EEPD1: variants seen among roughly 807,000 people sequenced by gnomAD.
The protein encoded by EEPD1 is endonuclease/exonuclease/phosphatase family domain-containing protein 1.
Under a neutral mutation model 46.3 loss-of-function variants are expected in EEPD1, and 17 were observed. The observed-to-expected ratio is 0.37, with a 90% CI of 0.25 to 0.55. The LOEUF (loss-of-function observed/expected upper bound fraction) is 0.55, where lower values mean the gene tolerates loss of function less well. Ranked by LOEUF, EEPD1 falls within the 20% of genes least tolerant of loss-of-function variation. EEPD1 has a pLI of 0.83. For missense variants in EEPD1, 673 were observed against 745.6 expected (o/e 0.90, Z 1.13); for synonymous variants, 313 against 315.6 (o/e 0.99, Z 0.09).
intron 3 of EEPD1, among the ~76,000 whole-genome samples, chr7:36,277,860 TA>T (rs35727040): frequency 0.75 from 113,592 of 151,964 alleles, 42,988 homozygotes; most frequent in Non-Finnish European, 0.81. Context: ...GAGAGGTTAT[TA>T]AAGGACAGGG....
At chr7:36,224,128 C>T (rs1786192241) in intron 2 of EEPD1, among the ~76,000 whole-genome samples, 1 of 152,176 alleles carries the variant, frequency 6.6e-6, no homozygotes, top group African/African-American at 2.4e-5. Context: ...AATGTTTCAG[C>T]TTTTTAAAAA....
intron 6 of EEPD1, among the ~76,000 whole-genome samples, chr7:36,289,868 TC>T (rs1243194826): frequency 2.0e-5 from 3 of 152,266 alleles, no homozygotes; most frequent in Admixed American, 6.5e-5. Flanking sequence ...GCTTATCCAT[TC>T]ATCTTCTGAT....
intron 2 of EEPD1, among the ~76,000 whole-genome samples, chr7:36,179,821 T>G (rs1785242865): frequency 6.6e-6 from 1 of 152,182 alleles, no homozygotes; most frequent in African/African-American, 2.4e-5. Context: ...CATGAGCTCT[T>G]TGGGATGAAG....
chr7:36,168,757 CA>C (rs370164080), intron 2 of EEPD1, among the ~76,000 whole-genome samples: 45 of 131,552 alleles, frequency 3.4e-4, no homozygotes, highest in Admixed American at 7.0e-4. Context: ...GACTCTGTCT[CA>C]AAAAAAAAAA....
At chr7:36,160,685 G>C (rs1028094720) in intron 2 of EEPD1, among the ~76,000 whole-genome samples, 4 of 150,158 alleles carry the variant, frequency 2.7e-5, no homozygotes, top group African/African-American at 9.7e-5. Context: ...GTGGGGGGCG[G>C]GGCGTGCATG....
chr7:36,233,583 C>T (rs1285984318), intron 2 of EEPD1, among the ~76,000 whole-genome samples: 1 of 152,148 alleles, frequency 6.6e-6, no homozygotes, highest in Non-Finnish European at 1.5e-5. Flanking sequence ...CAAAAGCACC[C>T]CGATATACTC....
intron 2 of EEPD1, among the ~76,000 whole-genome samples, chr7:36,227,130 G>A (rs1786244629): frequency 6.6e-6 from 1 of 152,144 alleles, no homozygotes; most frequent in Admixed American, 6.5e-5. Flanking sequence ...GTGATTACTT[G>A]TATAATTTTG....
At chr7:36,294,662 A>G (rs1787494617) in intron 6 of EEPD1, among the ~76,000 whole-genome samples, 1 of 152,240 alleles carries the variant, frequency 6.6e-6, no homozygotes, top group African/African-American at 2.4e-5. Context: ...GTTTGGTCAT[A>G]GACAAATGAA....
chr7:36,290,131 A>G (rs564525269), intron 6 of EEPD1, among the ~76,000 whole-genome samples: 11 of 152,284 alleles, frequency 7.2e-5, no homozygotes, highest in South Asian at 2.1e-4. Context: ...GGACATTACT[A>G]TTGTTCTTGA....
chr7:36,160,517 G>T (rs1386677648), intron 2 of EEPD1, among the ~76,000 whole-genome samples: 2 of 140,178 alleles, frequency 1.4e-5, no homozygotes, highest in African/African-American at 5.1e-5. Flanking sequence ...GAAGGCCAGA[G>T]TTCTAGAGTG....
chr7:36,154,247 G>A lies in EEPD1; in HGVS notation c.-78G>A, dbSNP rs1419242537. 2.0e-6 allele frequency: 3 copies of A among 1,485,938 alleles called. No individual in the cohort carries two copies. Among genetic ancestry groups the A allele is most frequent in the Non-Finnish European group, 1.8e-6 (2 of 1,120,586 alleles). 92.0% of individuals were successfully genotyped at this position (1,485,938 alleles called of 1,614,324 possible). A position where few individuals can be genotyped will look rare whatever the true frequency, so the allele number is the denominator to read the frequency against. The stretch of plus-strand genomic sequence containing the variant: ...CCTTCCGTTTTTCTGTGCTTGTACG[G>A]CCTACTGGGCTTCCTCCCTAGCCAG... On this transcript the variant is annotated 5_prime_UTR_variant, in exon 2 of 8. Coordinates refer to ENST00000242108, the MANE Select transcript of EEPD1 (RefSeq NM_030636.3). The surrounding 1 kb of genome is among the most constrained non-coding windows in gnomAD (Gnocchi z 4.2).
At chr7:36,269,772 A>G (rs1787075083) in intron 3 of EEPD1, among the ~76,000 whole-genome samples, 2 of 152,246 alleles carry the variant, frequency 1.3e-5, no homozygotes, top group South Asian at 4.1e-4. Context: ...AAACCCAGCA[A>G]CAAAACCTTC....
intron 2 of EEPD1, among the ~76,000 whole-genome samples, chr7:36,227,396 T>C (rs950940843): frequency 2.6e-5 from 4 of 152,078 alleles, no homozygotes; most frequent in Non-Finnish European, 5.9e-5. Flanking sequence ...CAAGGAAGGG[T>C]GTCTTGGCAG....
rs144072543 is a variant in EEPD1 at position 36,166,862 on chromosome 7, G to A, written c.878+11660G>A. On this transcript the variant is annotated intron_variant, in intron 2 of 7. Coordinates refer to ENST00000242108, the MANE Select transcript of EEPD1 (RefSeq NM_030636.3). ...AATACCCTTGAATACTGAGAAGGAA[G>A]AGTGGCTGTTCCTATAGATAAGATG... Among the ~76,000 whole-genome samples, 659 of 152,304 alleles carry A rather than the reference G, an allele frequency of 4.3e-3. 2 individuals carry two copies. Among genetic ancestry groups the A allele is most frequent in the Non-Finnish European group, 5.5e-3 (371 of 68,032 alleles).
intron 3 of EEPD1, among the ~76,000 whole-genome samples, chr7:36,264,912 GAAA>G (rs72136431): frequency 6.1e-5 from 9 of 147,080 alleles, no homozygotes; most frequent in East Asian, 2.0e-4. Context: ...TGCCCACACT[GAAA>G]AAAAAAAAAA....
intron 2 of EEPD1, among the ~76,000 whole-genome samples, chr7:36,220,294 G>A (rs1224304388): frequency 6.6e-6 from 1 of 152,094 alleles, no homozygotes; most frequent in East Asian, 1.9e-4. Context: ...CTCCTTCTTG[G>A]GTGAAAGCAT....
At chr7:36,260,454 T>C (rs984409368) in intron 3 of EEPD1, among the ~76,000 whole-genome samples, 2 of 152,238 alleles carry the variant, frequency 1.3e-5, no homozygotes, top group Non-Finnish European at 2.9e-5. Flanking sequence ...GCTGGGTATA[T>C]TGCTGGGGGC....
chr7:36,289,320 C>T (rs1787390089), intron 6 of EEPD1, among the ~76,000 whole-genome samples: 2 of 152,190 alleles, frequency 1.3e-5, no homozygotes, highest in South Asian at 2.1e-4. Flanking sequence ...ACCCATTCAA[C>T]GATATCTCCC....
At chr7:36,157,487 G>C (rs1017360313) in intron 2 of EEPD1, among the ~76,000 whole-genome samples, 1 of 152,164 alleles carries the variant, frequency 6.6e-6, no homozygotes, top group Non-Finnish European at 1.5e-5. Context: ...TCTTCTTTGG[G>C]TTTCCTAGAG....
Sources: gnomAD v4.1 joint callset for allele counts (sites outside exome capture counted in the v4.1 genomes callset) on GRCh38, gnomAD v4.1.1 for gene constraint, Gnocchi (gnomAD v3.1) non-coding constraint, MANE v1.5 for transcripts, NCBI Gene and HGNC (gene_info 2026-07-23, HGNC 2026-07-21) for gene names.